Variants in RASAL2 observed in about 807,000 individuals in gnomAD.
RASAL2 encodes RAS protein activator like 2, also known as ras GTPase-activating protein nGAP.
RASAL2 carries 58 observed loss-of-function variants against 128.9 expected under a neutral mutation model. The observed-to-expected ratio is 0.45, with a 90% CI of 0.36 to 0.56. The LOEUF (loss-of-function observed/expected upper bound fraction) is 0.56. RASAL2 is among the 20% of genes least tolerant of loss of function. The pLI is 0.00. For synonymous variants in RASAL2, 561 were observed against 580.8 expected (o/e 0.97, Z 0.49); for missense variants, 1,360 against 1,601.6 (o/e 0.85, Z 2.57).
rs575956344 is a variant in RASAL2 at position 178,203,829 on chromosome 1, T to C, written c.203-79735T>C. ...AAGAGTATGTGTAGAATACAGGAGATCCCTTGGAGCATCTCTTAGTATTAC... is the reference window on the plus strand; with the variant it reads ...AAGAGTATGTGTAGAATACAGGAGACCCCTTGGAGCATCTCTTAGTATTAC... On this transcript the variant is annotated intron_variant, in intron 1 of 17. Transcript: ENST00000367649. Among the ~76,000 whole-genome samples the C allele has an allele frequency of 2.9e-3, 447 of 152,268 alleles. 4 individuals are homozygous for C. The highest frequency in any genetic ancestry group is 4.2e-3 in the Non-Finnish European group (289 of 68,008).
intron 1 of RASAL2, among the ~76,000 whole-genome samples, chr1:178,169,432 C>A (rs142695336): frequency 1.3e-5 from 2 of 152,106 alleles, no homozygotes; most frequent in Non-Finnish European, 2.9e-5. Flanking sequence ...GCTTCATTTA[C>A]TCAGATGAGT....
intron 5 of RASAL2, among the ~76,000 whole-genome samples, chr1:178,431,972 C>A (rs1304830398): frequency 6.6e-6 from 1 of 150,380 alleles, no homozygotes; most frequent in East Asian, 1.9e-4. Flanking sequence ...TGGGTACCTT[C>A]GTATAAAATA....
chr1:178,420,057 G>A (rs930108765), intron 4 of RASAL2, among the ~76,000 whole-genome samples: 17 of 151,982 alleles, frequency 1.1e-4, no homozygotes, highest in African/African-American at 4.1e-4. Context: ...CCTCCAATGC[G>A]CCAAGTACCT....
In RASAL2 at chr1:178,454,658, G is replaced by T. The variant is rs770347936; in HGVS notation, c.2211+10G>T. 20 of 1,610,312 alleles carry T rather than the reference G, an allele frequency of 1.2e-5. No homozygotes were observed. The highest frequency in any genetic ancestry group is 1.6e-5 in the Non-Finnish European group (19 of 1,177,000). On this transcript the variant is annotated intron_variant, in intron 12 of 17. Transcript: ENST00000367649. ...TTCCCAACTTGATAAGGTAAAGTAG[G>T]TTGGTGGAAGATAGAGAACTTTAAT...
intron 5 of RASAL2, among the ~76,000 whole-genome samples, chr1:178,421,467 G>C (rs531003536): frequency 6.6e-6 from 1 of 151,864 alleles, no homozygotes; most frequent in Non-Finnish European, 1.5e-5. Context: ...TGCCATACGT[G>C]TTAAATGTAG....
intron 1 of RASAL2, among the ~76,000 whole-genome samples, chr1:178,133,350 C>G (rs1027679990): frequency 6.6e-6 from 1 of 152,170 alleles, no homozygotes; most frequent in African/African-American, 2.4e-5. Flanking sequence ...ACTTTGGTGA[C>G]ACTGTTTCAG....
chr1:178,437,779 AATT>A (rs1676349890), intron 5 of RASAL2, among the ~76,000 whole-genome samples: 1 of 152,126 alleles, frequency 6.6e-6, no homozygotes, highest in Non-Finnish European at 1.5e-5. Context: ...TCTAACATTT[AATT>A]ATTTATAGTT....
intron 3 of RASAL2, among the ~76,000 whole-genome samples, chr1:178,366,404 C>T (rs538795628): frequency 7.9e-5 from 12 of 152,158 alleles, no homozygotes; most frequent in African/African-American, 2.9e-4. Flanking sequence ...GAGTATCTAG[C>T]ATTAATCTTT....
chr1:178,113,511 AGTGTGTGTGTGTGT>A (rs61642582), intron 1 of RASAL2, among the ~76,000 whole-genome samples: 1,818 of 122,272 alleles, frequency 0.015, 45 homozygotes, highest in African/African-American at 0.045. Flanking sequence ...CATGCCTGCG[AGTGTGTGTGTGTGT>A]GTGTGTGTGT....
chr1:178,417,057 A>C (rs1674807970), intron 4 of RASAL2, among the ~76,000 whole-genome samples: 1 of 147,178 alleles, frequency 6.8e-6, no homozygotes, highest in South Asian at 2.1e-4. Context: ...TTGGTATATT[A>C]ATTTGGGGAA....
intron 3 of RASAL2, among the ~76,000 whole-genome samples, chr1:178,349,763 G>A (rs562726347): frequency 1.3e-5 from 2 of 151,910 alleles, no homozygotes; most frequent in Non-Finnish European, 2.9e-5. Flanking sequence ...CCATACTTTG[G>A]CTTTAATATA....
chr1:178,363,101 G>A (rs1338397044), intron 3 of RASAL2, among the ~76,000 whole-genome samples: 5 of 151,938 alleles, frequency 3.3e-5, no homozygotes, highest in Non-Finnish European at 7.4e-5. Flanking sequence ...TTTTCCACAC[G>A]GGCTGCACAA....
chr1:178,280,145 G>A (rs1030565862), intron 1 of RASAL2, among the ~76,000 whole-genome samples: 3 of 151,984 alleles, frequency 2.0e-5, no homozygotes, highest in South Asian at 2.1e-4. Flanking sequence ...TAGTATTAAC[G>A]AAGAATATTC....
At chr1:178,205,951 A>G (rs955229649) in intron 1 of RASAL2, among the ~76,000 whole-genome samples, 5 of 152,146 alleles carry the variant, frequency 3.3e-5, no homozygotes, top group South Asian at 2.1e-4. Context: ...ATTGACTTCT[A>G]TGTGACATTA....
intron 1 of RASAL2, among the ~76,000 whole-genome samples, chr1:178,160,357 G>A (rs1441529393): frequency 6.6e-6 from 1 of 152,108 alleles, no homozygotes; most frequent in African/African-American, 2.4e-5. Flanking sequence ...TTGTGTCGCT[G>A]GGCGCGGTGG....
intron 1 of RASAL2, among the ~76,000 whole-genome samples, chr1:178,244,789 A>G (rs1036450430): frequency 6.6e-6 from 1 of 151,864 alleles, no homozygotes; most frequent in Non-Finnish European, 1.5e-5. Flanking sequence ...ATGTGTTTGC[A>G]TTGTTCAACT....
At chr1:178,218,053 C>T (rs994870291) in intron 1 of RASAL2, among the ~76,000 whole-genome samples, 11 of 152,188 alleles carry the variant, frequency 7.2e-5, no homozygotes, top group African/African-American at 2.6e-4. Flanking sequence ...AGAAGCAACT[C>T]CTCACCCATT....
At chr1:178,307,315 C>A (rs1668043169) in intron 3 of RASAL2, among the ~76,000 whole-genome samples, 1 of 151,896 alleles carries the variant, frequency 6.6e-6, no homozygotes, top group Non-Finnish European at 1.5e-5. Flanking sequence ...GAGATGTTTT[C>A]TTAAGGCATG....
intron 3 of RASAL2, among the ~76,000 whole-genome samples, chr1:178,334,108 C>T (rs940149826): frequency 3.3e-5 from 5 of 151,924 alleles, no homozygotes. Flanking sequence ...TTGCTTTTGC[C>T]TTTTCTGGGT....
Sources: allele counts gnomAD v4.1 joint callset (sites outside exome capture counted in the v4.1 genomes callset), GRCh38; gene constraint gnomAD v4.1.1; transcripts MANE v1.5; gene names NCBI Gene and HGNC (gene_info 2026-07-23, HGNC 2026-07-21).